TUSC3: variants seen among roughly 807,000 people sequenced by gnomAD.
The protein encoded by TUSC3 is tumor suppressor candidate 3.
In TUSC3, 45 loss-of-function variants were observed where a neutral mutation model predicts 44.8. The ratio of observed to expected loss-of-function variants is 1.00; its 90% CI spans 0.79 to 1.29. The LOEUF (loss-of-function observed/expected upper bound fraction) is 1.29. Among genes scored for constraint, TUSC3 ranks in the 50% most tolerant of loss-of-function variants. The pLI, the probability that TUSC3 is intolerant of heterozygous loss-of-function variation, is 0.00. For synonymous variants in TUSC3, 212 were observed against 152.9 expected, an observed-to-expected ratio of 1.39 and a Z score of -2.85; for missense variants, 519 against 437.9, an observed-to-expected ratio of 1.19 and a Z score of -1.65.
At chr8:15,422,642 T>C (rs533919795) in intron 1 of TUSC3, among the ~76,000 whole-genome samples, 2 of 152,194 alleles carry the variant, frequency 1.3e-5, no homozygotes, top group Admixed American at 6.5e-5. Flanking sequence ...GGTTGATTGG[T>C]TGATTGGTTG....
chr8:15,729,522 A>G (rs1338859626), intron 6 of TUSC3, among the ~76,000 whole-genome samples: 1 of 152,188 alleles, frequency 6.6e-6, no homozygotes. Context: ...ACACCATGGA[A>G]TAGTACACAG....
intron 6 of TUSC3, among the ~76,000 whole-genome samples, chr8:15,708,166 G>C (rs1360038241): frequency 6.6e-6 from 1 of 151,878 alleles, no homozygotes; most frequent in African/African-American, 2.4e-5. Flanking sequence ...ACTACACTGG[G>C]CAGAGTAGCA....
intron 6 of TUSC3, chr8:15,689,201 G>T: frequency 2.7e-6 from 1 of 364,782 alleles, no homozygotes; most frequent in Non-Finnish European, 5.4e-6. Context: ...GGGCTGCTAA[G>T]CATTCCATTT....
chr8:15,790,563 C>T, the TUSC3 span, among the ~76,000 whole-genome samples: 4 of 152,022 alleles, frequency 2.6e-5, no homozygotes, highest in Non-Finnish European at 2.9e-5. Flanking sequence ...TAGAGGTTGC[C>T]GTCAGTGCCA....
chr8:15,809,405 A>C, the TUSC3 span, among the ~76,000 whole-genome samples: 3 of 152,164 alleles, frequency 2.0e-5, no homozygotes, highest in Non-Finnish European at 2.9e-5. Context: ...GAATAGGTAA[A>C]GGTCCCTTAA....
At chr8:15,704,163 C>A (rs1809518748) in intron 6 of TUSC3, among the ~76,000 whole-genome samples, 1 of 150,920 alleles carries the variant, frequency 6.6e-6, no homozygotes, top group Admixed American at 6.6e-5. Context: ...GTCATTTAAG[C>A]AGAGACCTGA....
At chr8:15,460,202 G>T (rs1033442696) in intron 1 of TUSC3, among the ~76,000 whole-genome samples, 1 of 151,960 alleles carries the variant, frequency 6.6e-6, no homozygotes, top group African/African-American at 2.4e-5. Flanking sequence ...AACATCTACT[G>T]CTTTTTGATT....
At chr8:15,851,357 T>C in the TUSC3 span, among the ~76,000 whole-genome samples, 1 of 152,162 alleles carries the variant, frequency 6.6e-6, no homozygotes, top group South Asian at 2.1e-4. Context: ...AGGGACAATG[T>C]ACAATAGGTA....
chr8:15,558,786 A>G (rs1222665746), intron 1 of TUSC3, among the ~76,000 whole-genome samples: 2 of 135,010 alleles, frequency 1.5e-5, no homozygotes, highest in Admixed American at 7.7e-5. Context: ...TTTCTAGTTT[A>G]TTTGCATAGA....
downstream of TUSC3, among the ~76,000 whole-genome samples, chr8:15,770,397 G>T (rs755338122): frequency 1.3e-5 from 2 of 152,096 alleles, no homozygotes; most frequent in African/African-American, 4.8e-5. Flanking sequence ...ATCACACACC[G>T]AGGCCTGTCA....
intron 1 of TUSC3, among the ~76,000 whole-genome samples, chr8:15,620,712 G>A (rs7821776): frequency 0.84 from 127,215 of 152,078 alleles, 53,467 homozygotes; most frequent in Non-Finnish European, 0.87. Context: ...AGGAATTTTC[G>A]TTTGTGATCA....
intron 1 of TUSC3, among the ~76,000 whole-genome samples, chr8:15,448,451 A>G (rs1800141519): frequency 6.6e-6 from 1 of 152,100 alleles, no homozygotes; most frequent in Non-Finnish European, 1.5e-5. Context: ...AAAAGGTGAA[A>G]TGCATGTATC....
chr8:15,493,625 A>T (rs1800839832), intron 2 of TUSC3, among the ~76,000 whole-genome samples: 1 of 152,148 alleles, frequency 6.6e-6, no homozygotes, highest in Non-Finnish European at 1.5e-5. Context: ...CTGGAACTAT[A>T]CTAGGGAGGT....
intron 7 of TUSC3, among the ~76,000 whole-genome samples, chr8:15,735,473 A>G (rs944383737): frequency 1.4e-4 from 22 of 152,150 alleles, no homozygotes; most frequent in Admixed American, 3.9e-4. Flanking sequence ...GAAAGGGATT[A>G]ATTTGTTTAA....
intron 1 of TUSC3, among the ~76,000 whole-genome samples, chr8:15,431,119 A>C (rs1466368739): frequency 2.6e-5 from 4 of 151,740 alleles, no homozygotes; most frequent in Non-Finnish European, 5.9e-5. Flanking sequence ...AGGATGTGTG[A>C]TGGCTCCAGA....
chr8:15,512,602 G>A (rs966074844), intron 2 of TUSC3, among the ~76,000 whole-genome samples: 6 of 151,938 alleles, frequency 3.9e-5, no homozygotes, highest in Non-Finnish European at 5.9e-5. Context: ...GGAAAACCCC[G>A]TCTCTACTAA....
the TUSC3 span, among the ~76,000 whole-genome samples, chr8:15,778,100 A>C: frequency 1.2e-3 from 65 of 53,232 alleles, no homozygotes; most frequent in Admixed American, 1.9e-3. Flanking sequence ...ACTTTAAGGC[A>C]AAAAAAAAAA....
the TUSC3 span, among the ~76,000 whole-genome samples, chr8:15,805,366 T>G: frequency 6.6e-6 from 1 of 152,166 alleles, no homozygotes; most frequent in Admixed American, 6.6e-5. Context: ...TCCAGTACTA[T>G]GTTGAATAAA....
rs558704499 is a variant in TUSC3, at chr8:15,626,843, G to A, written c.308+3594G>A. ...AGAGTGGCTGAGGGGGGCCCTGAGG[G>A]AAGTCTGGTTTTGGCCTGCAGGTGC... On this transcript the variant is annotated intron_variant, in intron 2 of 10. Coordinates refer to ENST00000503731, the MANE Select transcript of TUSC3 (RefSeq NM_006765.4). Among the ~76,000 whole-genome samples the A allele has an allele frequency of 5.3e-5, 8 of 152,330 alleles. No individual in the cohort carries two copies. In the South Asian group the frequency reaches 1.7e-3, roughly 32 times the overall value.
Sources: gnomAD v4.1 joint callset for allele counts (sites outside exome capture counted in the v4.1 genomes callset) on GRCh38, gnomAD v4.1.1 for gene constraint, MANE v1.5 for transcripts, NCBI Gene and HGNC (gene_info 2026-07-23, HGNC 2026-07-21) for gene names.